Variants in FAM120B observed in about 807,000 individuals in gnomAD.
FAM120B encodes the protein constitutive coactivator of peroxisome proliferator-activated receptor gamma.
In FAM120B, 83 loss-of-function variants were observed where a neutral mutation model predicts 96.3. The ratio of observed to expected loss-of-function variants is 0.86; its 90% CI spans 0.72 to 1.03. FAM120B has a LOEUF of 1.03. Ranked by LOEUF, FAM120B falls within the 50% of genes least tolerant of loss-of-function variation. The pLI, the probability that FAM120B is intolerant of heterozygous loss-of-function variation, is 0.00. For synonymous variants in FAM120B, 407 were observed against 402.7 expected (o/e 1.01, Z -0.13); for missense variants, 1,027 against 1,121.2 (o/e 0.92, Z 1.20).
intron 4 of FAM120B, among the ~76,000 whole-genome samples, chr6:170,335,914 G>A (rs1786390636): frequency 6.6e-6 from 1 of 150,700 alleles, no homozygotes. Context: ...TTTTTTTCTT[G>A]AAATTTAAGT....
chr6:170,318,917 C>A lies in FAM120B; in HGVS notation c.1527C>A (p.Pro509=). 1.9e-6 allele frequency: 3 copies of A among 1,614,172 alleles called. No individual in the cohort carries two copies. The highest frequency in any genetic ancestry group is 2.5e-6 in the Non-Finnish European group (3 of 1,180,022). Residue 509 remains proline (P), a synonymous_variant, in exon 2 of 11, where the codon CCC becomes CCA. Transcript: ENST00000476287. The part of the protein sequence containing the change: ...CTGHESKQEV[P]ICTDPISKQE... ...GCCATGAATCCAAACAGGAAGTTCC[C>A]ATATGTACAGATCCTATATCCAAGC...
At chr6:170,390,262 T>G (rs1012772285) in intron 7 of FAM120B, among the ~76,000 whole-genome samples, 4 of 152,190 alleles carry the variant, frequency 2.6e-5, no homozygotes, top group Admixed American at 2.6e-4. Context: ...ACTGCAAGTA[T>G]TTAGAACTTA....
chr6:170,399,423 C>G (rs1021751337), intron 9 of FAM120B, among the ~76,000 whole-genome samples: 2 of 148,288 alleles, frequency 1.3e-5, no homozygotes, highest in Non-Finnish European at 3.0e-5. Flanking sequence ...AGAACTATGT[C>G]ATAACTCTTA....
At position 170,368,822 on chromosome 6, in the gene FAM120B, G is replaced by GGC. The variant is rs200610143; in HGVS notation, c.2283+10505_2283+10506insCG. Among the ~76,000 whole-genome samples the GGC allele has an allele frequency of 7.0e-4, 89 of 126,244 alleles. 1 individual carries two copies. The highest frequency in any genetic ancestry group is 1.8e-3 in the African/African-American group (66 of 36,406). 82.8% of individuals were successfully genotyped at this position (126,244 alleles called of 152,430 possible). On this transcript the variant is annotated intron_variant, in intron 6 of 10. Transcript: ENST00000476287. ...GCAGCTCTGCTGTCTGCCGGGGCTG[G>GGC]GGGGGGGGCTCCCTCCTGGCTTGCA...
intron 6 of FAM120B, among the ~76,000 whole-genome samples, chr6:170,367,658 C>G (rs989294496): frequency 1.3e-5 from 2 of 152,248 alleles, no homozygotes; most frequent in African/African-American, 4.8e-5. Flanking sequence ...CACGCACACA[C>G]AGTGACAGTA....
intron 7 of FAM120B, among the ~76,000 whole-genome samples, chr6:170,389,852 C>T (rs890482679): frequency 1.3e-5 from 2 of 152,134 alleles, no homozygotes; most frequent in African/African-American, 4.8e-5. Context: ...TGAGCCACCG[C>T]GACCAGCCCC....
intron 6 of FAM120B, among the ~76,000 whole-genome samples, chr6:170,371,222 T>C (rs915759828): frequency 1.3e-4 from 19 of 151,778 alleles, no homozygotes; most frequent in South Asian, 4.2e-4. Context: ...GTTCTGAACA[T>C]TTCATAAACA....
At chr6:170,379,521 G>C (rs1041077624) in intron 6 of FAM120B, among the ~76,000 whole-genome samples, 3 of 152,156 alleles carry the variant, frequency 2.0e-5, no homozygotes, top group Admixed American at 2.0e-4. Flanking sequence ...AATCCGAAAA[G>C]CTCCAGTGAG....
intron 4 of FAM120B, among the ~76,000 whole-genome samples, chr6:170,346,886 A>T (rs1787229076): frequency 6.6e-6 from 1 of 151,504 alleles, no homozygotes; most frequent in Admixed American, 6.6e-5. Flanking sequence ...GTTGTCTTGG[A>T]CTCATCTCTA....
At chr6:170,402,109 G>A (rs971211326) in intron 9 of FAM120B, among the ~76,000 whole-genome samples, 1 of 152,258 alleles carries the variant, frequency 6.6e-6, no homozygotes, top group Non-Finnish European at 1.5e-5. Flanking sequence ...TGCTGTGCAC[G>A]TCCCAGGATG....
intron 6 of FAM120B, among the ~76,000 whole-genome samples, chr6:170,374,556 G>A (rs1223496230): frequency 4.6e-5 from 7 of 152,194 alleles, no homozygotes. Context: ...TTCTTTCACT[G>A]AAAAACTTAC....
At chr6:170,310,997 G>C (rs1222658348) in intron 1 of FAM120B, among the ~76,000 whole-genome samples, 3 of 152,200 alleles carry the variant, frequency 2.0e-5, no homozygotes, top group Non-Finnish European at 4.4e-5. Context: ...GTGTATTTCT[G>C]GGGGGATAGA....
intron 3 of FAM120B, 43 bp from the exon 4 acceptor site, chr6:170,330,406 T>C (rs1174968162): frequency 6.7e-7 from 1 of 1,500,488 alleles, no homozygotes; most frequent in Non-Finnish European, 9.3e-7. Context: ...AGCCTGGCGA[T>C]GCATGCCCTC....
chr6:170,313,077 C>T (rs77881315), intron 1 of FAM120B, among the ~76,000 whole-genome samples: 1,741 of 152,308 alleles, frequency 0.011, 23 homozygotes, highest in African/African-American at 0.036. Flanking sequence ...TTGCAAAGCT[C>T]AGCAGTTTAA....
At chr6:170,313,107 A>T (rs1784689018) in intron 1 of FAM120B, among the ~76,000 whole-genome samples, 1 of 152,230 alleles carries the variant, frequency 6.6e-6, no homozygotes. Context: ...TATGGAGATC[A>T]TCTGAAGCAT....
chr6:170,333,447 G>T (rs1445989794), intron 4 of FAM120B, among the ~76,000 whole-genome samples: 1 of 151,924 alleles, frequency 6.6e-6, no homozygotes, highest in Non-Finnish European at 1.5e-5. Context: ...TAGCATCTCA[G>T]ATGGACCAAG....
At chr6:170,306,494 G>T (rs1028245728), upstream of FAM120B, 1 of 152,290 alleles carries the variant, frequency 6.6e-6, no homozygotes, top group African/African-American at 2.4e-5. Flanking sequence ...AGGTTCAAGG[G>T]CGGCACCCGC....
chr6:170,330,797 T>G (rs1487848396), intron 4 of FAM120B: 1 of 513,538 alleles, frequency 1.9e-6, no homozygotes, highest in Non-Finnish European at 3.5e-6. Context: ...TCCACCCTGG[T>G]CCAGGTCCAC....
At chr6:170,342,898 A>G (rs373641527) in intron 4 of FAM120B, among the ~76,000 whole-genome samples, 1 of 152,206 alleles carries the variant, frequency 6.6e-6, no homozygotes, top group African/African-American at 2.4e-5. Flanking sequence ...GCAAAGTCTT[A>G]TCTTTATTCA....
Sources: allele counts gnomAD v4.1 joint callset (sites outside exome capture counted in the v4.1 genomes callset), GRCh38; gene constraint gnomAD v4.1.1; transcripts MANE v1.5; gene names NCBI Gene and HGNC (gene_info 2026-07-23, HGNC 2026-07-21).